The following DLG2 variants were observed in gnomAD, a reference collection of about 807,000 sequenced individuals.
DLG2 encodes the protein discs large MAGUK scaffold protein 2.
Under a neutral mutation model 132.5 loss-of-function variants are expected in DLG2, and 45 were observed. That is an observed-to-expected ratio of 0.34 (90% CI 0.27 to 0.44). The LOEUF (loss-of-function observed/expected upper bound fraction) is 0.44. DLG2 is among the 20% of genes least tolerant of loss of function. The pLI is 1.00. For synonymous variants in DLG2, 424 were observed against 419.6 expected (o/e 1.01, Z -0.13); for missense variants, 1,045 against 1,196.9 (o/e 0.87, Z 1.87).
At chr11:84,428,154 C>T (rs2098973004) in intron 7 of DLG2, among the ~76,000 whole-genome samples, 1 of 152,190 alleles carries the variant, frequency 6.6e-6, no homozygotes, top group African/African-American at 2.4e-5. Context: ...ATTCCCCTTA[C>T]CCTCTACTTC....
At position 84,363,361 on chromosome 11, in the gene DLG2, G is replaced by GT. The variant is rs1330401248; in HGVS notation, c.520-112071dup. Among the ~76,000 whole-genome samples, 3 of 151,600 alleles carry GT rather than the reference G, an allele frequency of 2.0e-5. 1 individual carries two copies. Among genetic ancestry groups the GT allele is most frequent in the Middle Eastern group, 6.8e-3 (2 of 294 alleles). On this transcript the variant is annotated intron_variant, in intron 7 of 27. Coordinates refer to ENST00000376104, the MANE Select transcript of DLG2 (RefSeq NM_001142699.3). ...CGCCCACTTTTTGATGGGGTTGTTG[G>GT]TTTTTTTCTTGTAAATTTGTTTGAG...
chr11:84,058,728 T>G (rs1242263258), intron 11 of DLG2, among the ~76,000 whole-genome samples: 1 of 150,900 alleles, frequency 6.6e-6, no homozygotes, highest in East Asian at 1.9e-4. Context: ...AAACAAAAAT[T>G]AGGGTGGTAA....
rs1258498818 is a variant in DLG2, at chr11:85,557,445, G to GA, written c.40+41211dup. ...ACCAACATCATTTGTCATATAATTA[G>GA]AAAAAACTATCCTAAAATTCATACA... On this transcript the variant is annotated intron_variant, in intron 3 of 27. Transcript: ENST00000376104. Among the ~76,000 whole-genome samples, 5 of 151,768 alleles carry GA rather than the reference G, an allele frequency of 3.3e-5. No homozygotes were observed. The South Asian group carries it at 1.0e-3, about 32-fold the overall frequency.
At chr11:84,653,975 T>A (rs2099685163) in intron 6 of DLG2, among the ~76,000 whole-genome samples, 1 of 152,190 alleles carries the variant, frequency 6.6e-6, no homozygotes, top group Admixed American at 6.5e-5. Flanking sequence ...AATTCAGTGT[T>A]GGTTATAACT....
chr11:84,349,630 TAC>T (rs2098553827), intron 7 of DLG2, among the ~76,000 whole-genome samples: 1 of 152,186 alleles, frequency 6.6e-6, no homozygotes, highest in African/African-American at 2.4e-5. Flanking sequence ...TGACTATAAA[TAC>T]AGGCATCCTT....
intron 18 of DLG2, among the ~76,000 whole-genome samples, chr11:83,722,205 G>A (rs2088775142): frequency 6.6e-6 from 1 of 152,036 alleles, no homozygotes; most frequent in Non-Finnish European, 1.5e-5. Context: ...GAAAGTTTAT[G>A]GGTCAATCAT....
chr11:84,282,512 T>C (rs138248255), intron 7 of DLG2, among the ~76,000 whole-genome samples: 57 of 152,258 alleles, frequency 3.7e-4, no homozygotes, highest in African/African-American at 1.3e-3. Flanking sequence ...TGTACCTCAG[T>C]GAAGCTATTT....
In DLG2 at chr11:84,251,259, A is replaced by G. The variant is rs1461532445; in HGVS notation, c.552T>C (p.Asp184=). The G allele has an allele frequency of 6.3e-7, 1 of 1,591,872 alleles. No homozygotes were observed. Among genetic ancestry groups the G allele is most frequent in the Non-Finnish European group, 8.5e-7 (1 of 1,172,074 alleles). ...TTACATAAGGAATTGTGTCCAAAGT[A>G]TCTGTGTTGACAATTATAGGAGCAG... is the stretch of plus-strand genomic sequence containing the variant. ...ASPAPIIVNT[D]TLDTIPYVNG... Residue 184 remains aspartate, a synonymous_variant, in exon 8 of 28, where the codon GAT becomes GAC. Transcript: ENST00000376104.
intron 3 of DLG2, among the ~76,000 whole-genome samples, chr11:85,595,064 CAAAAAAAAA>C: frequency 1.7e-5 from 1 of 58,234 alleles, no homozygotes; most frequent in East Asian, 5.7e-4. Flanking sequence ...GACTCTGTCT[CAAAAAAAAA>C]AAAAAAAAAA....
At chr11:84,687,639 A>T (rs973206956) in intron 6 of DLG2, among the ~76,000 whole-genome samples, 2 of 152,200 alleles carry the variant, frequency 1.3e-5, no homozygotes, top group Admixed American at 6.5e-5. Context: ...CAGGTATTCA[A>T]AATGTACAAG....
rs568020861 is a variant in DLG2 at position 84,761,427 on chromosome 11, G to A, written c.358-226696C>T. Among the ~76,000 whole-genome samples, 32 of 152,276 alleles carry A rather than the reference G, an allele frequency of 2.1e-4. 2 individuals carry two copies. The highest frequency in any genetic ancestry group is 6.8e-3 in the Middle Eastern group (2 of 294). On this transcript the variant is annotated intron_variant, in intron 6 of 27. Transcript: ENST00000376104. ...AGGACCTGAAGTACTGTTCCTGGGT[G>A]TGTCTGTGAGGGTGTTGCCAAAGGA...
chr11:83,482,891 T>C (rs1209552700), intron 22 of DLG2, among the ~76,000 whole-genome samples: 1 of 152,148 alleles, frequency 6.6e-6, no homozygotes, highest in Non-Finnish European at 1.5e-5. Context: ...TTTGCTGTTC[T>C]AGAACACTTA....
chr11:84,394,035 A>G (rs1455107937), intron 7 of DLG2, among the ~76,000 whole-genome samples: 1 of 151,908 alleles, frequency 6.6e-6, no homozygotes, highest in Non-Finnish European at 1.5e-5. Context: ...ACAGGCATGC[A>G]TCAACACGCC....
chr11:85,070,121 G>C (rs1300776072), intron 6 of DLG2, among the ~76,000 whole-genome samples: 1 of 151,894 alleles, frequency 6.6e-6, no homozygotes, highest in African/African-American at 2.4e-5. Flanking sequence ...CATGGACACA[G>C]GAAGGGGAAC....
intron 15 of DLG2, among the ~76,000 whole-genome samples, chr11:83,876,077 C>T (rs531815574): frequency 7.9e-5 from 12 of 152,128 alleles, no homozygotes; most frequent in Non-Finnish European, 1.6e-4. Flanking sequence ...TGTAGCCAGA[C>T]TGCCTGGCTC....
chr11:83,843,865 T>C (rs2058096392), intron 16 of DLG2, among the ~76,000 whole-genome samples: 1 of 152,192 alleles, frequency 6.6e-6, no homozygotes, highest in Non-Finnish European at 1.5e-5. Flanking sequence ...ATATTAGATA[T>C]TCTGAAAACC....
At chr11:84,868,140 A>T (rs998997928) in intron 6 of DLG2, among the ~76,000 whole-genome samples, 1 of 143,940 alleles carries the variant, frequency 6.9e-6, no homozygotes, top group African/African-American at 2.7e-5. Context: ...TTAATATTTT[A>T]TTATTATATT....
intron 8 of DLG2, among the ~76,000 whole-genome samples, chr11:84,220,985 G>A (rs1039146194): frequency 2.1e-5 from 3 of 145,542 alleles, no homozygotes; most frequent in African/African-American, 7.6e-5. Flanking sequence ...TTTTTTTTTG[G>A]TAGAGACAGA....
chr11:83,747,088 G>C (rs145988267), intron 18 of DLG2, among the ~76,000 whole-genome samples: 65 of 152,246 alleles, frequency 4.3e-4, no homozygotes, highest in Admixed American at 2.0e-4. Context: ...TTATACAAAT[G>C]AGGAGAAGTG....
Sources: allele counts gnomAD v4.1 joint callset (sites outside exome capture counted in the v4.1 genomes callset), GRCh38; gene constraint gnomAD v4.1.1; transcripts MANE v1.5; gene names NCBI Gene and HGNC (gene_info 2026-07-23, HGNC 2026-07-21).